The following ANKS1B variants were observed in gnomAD, a reference collection of about 807,000 sequenced individuals.
ANKS1B encodes ankyrin repeat and sterile alpha motif domain-containing protein 1B.
A neutral mutation model predicts 148.3 loss-of-function variants in ANKS1B; 36 were observed. The observed-to-expected ratio is 0.24, with a 90% confidence interval of 0.19 to 0.32. The LOEUF (loss-of-function observed/expected upper bound fraction) is 0.32, where lower values mean the gene tolerates loss of function less well. ANKS1B is among the 10% of genes least tolerant of loss of function. The pLI is 1.00. For missense variants in ANKS1B, 1,157 were observed against 1,542.6 expected (o/e 0.75, Z 4.19); for synonymous variants, 542 against 560.8 (o/e 0.97, Z 0.47).
intron 15 of ANKS1B, among the ~76,000 whole-genome samples, chr12:99,091,957 C>T (rs2054157115): frequency 6.6e-6 from 1 of 152,184 alleles, no homozygotes; most frequent in Non-Finnish European, 1.5e-5. Flanking sequence ...TCAGAGTCAT[C>T]TGAAATTCAC....
intron 4 of ANKS1B, among the ~76,000 whole-genome samples, chr12:99,789,472 C>G (rs2065375813): frequency 6.6e-6 from 1 of 151,988 alleles, no homozygotes. Context: ...GCACCAGGGA[C>G]AAGTCCTGGA....
At chr12:99,506,706 G>A (rs1440327413) in intron 9 of ANKS1B, among the ~76,000 whole-genome samples, 1 of 151,888 alleles carries the variant, frequency 6.6e-6, no homozygotes, top group Non-Finnish European at 1.5e-5. Context: ...AAAGACTAAT[G>A]TTTATAAGTC....
rs114061271 is a variant in ANKS1B at position 99,833,088 on chromosome 12, T to A, written c.135-7699A>T. Among the ~76,000 whole-genome samples the A allele has an allele frequency of 7.9e-3, 1,202 of 152,244 alleles. 16 individuals carry two copies. The highest frequency in any genetic ancestry group is 0.027 in the African/African-American group (1,136 of 41,542). The stretch of plus-strand genomic sequence containing the variant: ...ATTTGCAATAACATAGAAAAATACA[T>A]GCAAAAATACATTATTCATTCTGTG... On this transcript the variant is annotated intron_variant, in intron 1 of 26. Transcript: ENST00000683438.
At chr12:98,970,953 C>T (rs11109690) in intron 17 of ANKS1B, among the ~76,000 whole-genome samples, 27,531 of 152,092 alleles carry the variant, frequency 0.18, 2,675 homozygotes, top group African/African-American at 0.23. Context: ...ATTATTAATA[C>T]TCTTGAAGGG....
chr12:98,759,324 C>T (rs948685894), intron 25 of ANKS1B, among the ~76,000 whole-genome samples: 1 of 152,096 alleles, frequency 6.6e-6, no homozygotes, highest in African/African-American at 2.4e-5. Context: ...GGTGCCAGTC[C>T]CATGCCTAGC....
chr12:99,482,757 AT>A (rs2096432392), intron 10 of ANKS1B, among the ~76,000 whole-genome samples: 1 of 151,352 alleles, frequency 6.6e-6, no homozygotes, highest in South Asian at 2.1e-4. Flanking sequence ...AGGTATTTTT[AT>A]TTTTTTGCAG....
intron 15 of ANKS1B, among the ~76,000 whole-genome samples, chr12:99,124,163 G>A (rs895768564): frequency 8.5e-5 from 13 of 152,152 alleles, no homozygotes; most frequent in African/African-American, 2.4e-4. Flanking sequence ...GAGACTCTAC[G>A]TAGGGGCTCA....
At chr12:99,976,744 T>C (rs935407491) in intron 1 of ANKS1B, among the ~76,000 whole-genome samples, 2 of 152,188 alleles carry the variant, frequency 1.3e-5, no homozygotes, top group East Asian at 1.9e-4. Context: ...ATAAGAAACA[T>C]GATTCATAAG....
intron 4 of ANKS1B, among the ~76,000 whole-genome samples, chr12:99,794,733 G>A (rs2066043824): frequency 6.6e-6 from 1 of 151,814 alleles, no homozygotes; most frequent in African/African-American, 2.4e-5. Flanking sequence ...GGGAGGTGGG[G>A]ATGGTTAAAG....
At chr12:98,868,402 G>A (rs922748900) in intron 17 of ANKS1B, among the ~76,000 whole-genome samples, 1 of 152,104 alleles carries the variant, frequency 6.6e-6, no homozygotes, top group Non-Finnish European at 1.5e-5. Flanking sequence ...GCAGAGACAC[G>A]GTTTCAAAAT....
rs1482297005 is a variant in ANKS1B, at chr12:98,801,647, G to A, written c.3142-522C>T. ...AATTTAAAAGAAAAATTTACTAATG[G>A]GTGACACTAATTTCTCTCATCTGAA... On this transcript the variant is annotated intron_variant, in intron 20 of 26. Transcript: ENST00000683438. This position sits in a 1 kb window ranked among gnomAD's most constrained non-coding sequence, Gnocchi z 5.2. Among the ~76,000 whole-genome samples, 2 of 152,068 alleles carry A rather than the reference G, an allele frequency of 1.3e-5. No homozygotes were observed. Among genetic ancestry groups the A allele is most frequent in the Non-Finnish European group, 1.5e-5 (1 of 68,022 alleles).
At chr12:98,914,864 T>C (rs949862850) in intron 17 of ANKS1B, among the ~76,000 whole-genome samples, 5 of 152,204 alleles carry the variant, frequency 3.3e-5, no homozygotes, top group African/African-American at 1.2e-4. Flanking sequence ...TAAGCCAGGA[T>C]GATTTTTCAT....
At chr12:99,799,838 G>C (rs2066725836) in intron 4 of ANKS1B, among the ~76,000 whole-genome samples, 1 of 152,074 alleles carries the variant, frequency 6.6e-6, no homozygotes, top group African/African-American at 2.4e-5. Flanking sequence ...AGTGAAGAAG[G>C]GCAAAGAAGA....
intron 15 of ANKS1B, among the ~76,000 whole-genome samples, chr12:99,125,337 A>G (rs1195103449): frequency 6.6e-6 from 1 of 152,220 alleles, no homozygotes; most frequent in Non-Finnish European, 1.5e-5. Context: ...CCATTATCAA[A>G]GAAGTCATTT....
At chr12:99,831,419 G>A (rs2083966468) in intron 1 of ANKS1B, among the ~76,000 whole-genome samples, 1 of 152,036 alleles carries the variant, frequency 6.6e-6, no homozygotes, top group African/African-American at 2.4e-5. Context: ...GTGTGCAAAT[G>A]TGTTACCTAG....
intron 1 of ANKS1B, among the ~76,000 whole-genome samples, chr12:99,889,323 A>C (rs61140018): frequency 6.6e-6 from 1 of 152,146 alleles, no homozygotes; most frequent in African/African-American, 2.4e-5. Flanking sequence ...CAACCTAACA[A>C]ATGTCAAAGT....
intron 15 of ANKS1B, among the ~76,000 whole-genome samples, chr12:99,117,984 T>C (rs984269675): frequency 2.6e-5 from 4 of 152,228 alleles, no homozygotes; most frequent in Non-Finnish European, 5.9e-5. Flanking sequence ...TTTATATGCA[T>C]AGAGGTATTT....
At chr12:99,039,131 T>G (rs547506870) in intron 17 of ANKS1B, among the ~76,000 whole-genome samples, 30 of 152,242 alleles carry the variant, frequency 2.0e-4, no homozygotes, top group Non-Finnish European at 7.3e-5. Context: ...CTTCTTCATA[T>G]GTCGTCTTCC....
At chr12:98,840,659 A>G (rs1462156476) in intron 17 of ANKS1B, among the ~76,000 whole-genome samples, 1 of 152,220 alleles carries the variant, frequency 6.6e-6, no homozygotes, top group African/African-American at 2.4e-5. Flanking sequence ...TTTGTAATCA[A>G]TGAGAATCTT....
Sources: allele counts gnomAD v4.1 joint callset (sites outside exome capture counted in the v4.1 genomes callset), GRCh38; gene constraint gnomAD v4.1.1; non-coding constraint Gnocchi (gnomAD v3.1); transcripts MANE v1.5; gene names NCBI Gene and HGNC (gene_info 2026-07-23, HGNC 2026-07-21).